The following RRAS2 variants were observed in gnomAD, a reference collection of about 807,000 sequenced individuals.
RRAS2 encodes the protein ras-related protein R-Ras2.
A neutral mutation model predicts 27.6 loss-of-function variants in RRAS2; 7 were observed. That is an observed-to-expected ratio of 0.25 (90% confidence interval 0.14 to 0.48). The LOEUF is 0.48. Ranked by LOEUF, RRAS2 falls within the 20% of genes least tolerant of loss-of-function variation. The pLI, the probability that RRAS2 is intolerant of heterozygous loss-of-function variation, is 0.99. For synonymous variants in RRAS2, 86 were observed against 90.9 expected (o/e 0.95, Z 0.31); for missense variants, 178 against 256.2 (o/e 0.69, Z 2.08).
rs368685916 is a variant in RRAS2 at position 14,279,312 on chromosome 11, G to A, written c.*25C>T. ...GAGAAGATGAGGGCTTTTCCTGGCC[G>A]TTGGTAGCTAAAACTGAAGGGATTC... On this transcript the variant is annotated 3_prime_UTR_variant, in exon 6 of 6. Transcript: ENST00000256196. 166 of 1,520,188 alleles carry A rather than the reference G, an allele frequency of 1.1e-4. No homozygotes were observed. The highest frequency in any genetic ancestry group is 1.8e-4 in the Middle Eastern group (1 of 5,562). 94.2% of individuals were successfully genotyped at this position (1,520,188 alleles called of 1,614,324 possible).
intron 1 of RRAS2, among the ~76,000 whole-genome samples, chr11:14,343,258 T>C (rs1848755585): frequency 6.6e-6 from 1 of 152,150 alleles, no homozygotes; most frequent in African/African-American, 2.4e-5. Flanking sequence ...TAAACAATTG[T>C]CTCTAAATAT....
intron 4 of RRAS2, among the ~76,000 whole-genome samples, chr11:14,287,216 C>T (rs139563610): frequency 1.3e-3 from 204 of 152,288 alleles, no homozygotes; most frequent in African/African-American, 4.7e-3. Flanking sequence ...TCTTTCACCA[C>T]GTCATCATGT....
intron 1 of RRAS2, among the ~76,000 whole-genome samples, chr11:14,328,358 C>T (rs539646326): frequency 1.2e-5 from 1 of 81,726 alleles, no homozygotes; most frequent in Admixed American, 1.7e-4. Context: ...AAGAGCAAAA[C>T]TCCAACTCAA....
intron 4 of RRAS2, among the ~76,000 whole-genome samples, chr11:14,291,727 A>T (rs1436309236): frequency 1.3e-5 from 2 of 152,244 alleles, no homozygotes; most frequent in African/African-American, 4.8e-5. Flanking sequence ...TAATCCAATG[A>T]TATACAAACA....
At chr11:14,321,594 T>C (rs1554950293) in intron 1 of RRAS2, among the ~76,000 whole-genome samples, 1 of 152,212 alleles carries the variant, frequency 6.6e-6, no homozygotes, top group Non-Finnish European at 1.5e-5. Context: ...TCTAGCCAGG[T>C]TGGATGGATC....
intron 5 of RRAS2, 136 bp from the exon 6 acceptor site, chr11:14,279,560 C>G (rs1849464215): frequency 1.5e-6 from 1 of 675,470 alleles, no homozygotes; most frequent in Non-Finnish European, 2.6e-6. Context: ...GAATTTCTCT[C>G]TTTCCTACCC....
chr11:14,304,578 AT>A (rs1436949321), intron 1 of RRAS2, among the ~76,000 whole-genome samples: 8 of 152,244 alleles, frequency 5.3e-5, no homozygotes, highest in African/African-American at 1.9e-4. Flanking sequence ...ATAAAACTCG[AT>A]TTACATGCTC....
intron 1 of RRAS2, among the ~76,000 whole-genome samples, chr11:14,308,559 C>T (rs1847883217): frequency 6.6e-6 from 1 of 152,148 alleles, no homozygotes; most frequent in South Asian, 2.1e-4. Context: ...CTATCGAGGA[C>T]TTCCTTGTTT....
intron 1 of RRAS2, among the ~76,000 whole-genome samples, chr11:14,329,003 GTGTGTGTGTATA>G (rs781919293): frequency 3.2e-4 from 18 of 55,906 alleles, no homozygotes; most frequent in African/African-American, 6.1e-4. Flanking sequence ...GTGTGTGTGT[GTGTGTGTGTATA>G]TATATATATA....
At chr11:14,287,657 A>T (rs1849699843) in intron 4 of RRAS2, among the ~76,000 whole-genome samples, 1 of 152,072 alleles carries the variant, frequency 6.6e-6, no homozygotes, top group Admixed American at 6.5e-5. Flanking sequence ...GGATCACCTA[A>T]GGTCGGGAGC....
At chr11:14,299,884 TTAA>T (rs1847651532) in intron 1 of RRAS2, among the ~76,000 whole-genome samples, 1 of 152,172 alleles carries the variant, frequency 6.6e-6, no homozygotes, top group Non-Finnish European at 1.5e-5. Flanking sequence ...AGTTAGACAG[TTAA>T]TACTACAGTT....
chr11:14,356,907 C>T (rs1849088941), intron 1 of RRAS2: 1 of 375,214 alleles, frequency 2.7e-6, no homozygotes, highest in Non-Finnish European at 5.1e-6. Context: ...ACTGCCTCAG[C>T]CTCCAGAGTA....
At chr11:14,342,773 T>C (rs781790654) in intron 1 of RRAS2, among the ~76,000 whole-genome samples, 10 of 152,200 alleles carry the variant, frequency 6.6e-5, no homozygotes, top group Non-Finnish European at 1.5e-4. Flanking sequence ...ACATAATTAA[T>C]GTATGGTGCC....
intron 1 of RRAS2, chr11:14,342,107 A>ACC (rs1199202999): frequency 1.4e-5 from 4 of 289,154 alleles, no homozygotes; most frequent in Non-Finnish European, 2.3e-5. Context: ...GTGAAACCTC[A>ACC]CCCTTCCCTC....
chr11:14,363,569 G>A (rs1401345015), upstream of RRAS2, among the ~76,000 whole-genome samples: 1 of 152,074 alleles, frequency 6.6e-6, no homozygotes, highest in African/African-American at 2.4e-5. Flanking sequence ...AGGAGTTCAA[G>A]ACCAGCCTGG....
At chr11:14,310,890 G>A (rs782103135) in intron 1 of RRAS2, among the ~76,000 whole-genome samples, 1 of 152,212 alleles carries the variant, frequency 6.6e-6, no homozygotes, top group Non-Finnish European at 1.5e-5. Context: ...TCCCAGCCTT[G>A]CATGCAATGG....
intron 4 of RRAS2, among the ~76,000 whole-genome samples, chr11:14,293,147 ATATATATATATATATC>A (rs1420241520): frequency 7.5e-6 from 1 of 133,842 alleles, no homozygotes; most frequent in African/African-American, 2.9e-5. Flanking sequence ...ATATATATAT[ATATATATATATATATC>A]ATTTTCTCTT....
intron 1 of RRAS2, among the ~76,000 whole-genome samples, chr11:14,351,669 G>A (rs1554954803): frequency 6.6e-6 from 1 of 151,516 alleles, no homozygotes; most frequent in Non-Finnish European, 1.5e-5. Flanking sequence ...GGTGGAGGTT[G>A]CAGTGAGCCA....
At chr11:14,328,316 A>G (rs1352048678) in intron 1 of RRAS2, among the ~76,000 whole-genome samples, 1 of 150,466 alleles carries the variant, frequency 6.6e-6, no homozygotes, top group African/African-American at 2.4e-5. Context: ...CAGTGAGCCA[A>G]GATCGCACCA....
Sources: gnomAD v4.1 joint callset for allele counts (sites outside exome capture counted in the v4.1 genomes callset) on GRCh38, gnomAD v4.1.1 for gene constraint, MANE v1.5 for transcripts, NCBI Gene and HGNC (gene_info 2026-07-23, HGNC 2026-07-21) for gene names.